ATP8A2: variants seen among roughly 807,000 people sequenced by gnomAD.
The protein encoded by ATP8A2 is ATPase phospholipid transporting 8A2, also known as phospholipid-transporting ATPase IB.
ATP8A2 carries 100 observed loss-of-function variants against 165.6 expected under a neutral mutation model. The observed-to-expected ratio is 0.60, with a 90% confidence interval of 0.51 to 0.71. The LOEUF (loss-of-function observed/expected upper bound fraction) is 0.71, where lower values mean the gene tolerates loss of function less well. ATP8A2 is among the 30% of genes least tolerant of loss of function. The pLI is 0.00. For missense variants in ATP8A2, 1,227 were observed against 1,479.5 expected, an observed-to-expected ratio of 0.83 and a Z score of 2.80; for synonymous variants, 543 against 548.8, an observed-to-expected ratio of 0.99 and a Z score of 0.15.
chr13:25,804,998 C>G (rs1217851613), intron 27 of ATP8A2, among the ~76,000 whole-genome samples: 1 of 152,188 alleles, frequency 6.6e-6, no homozygotes, highest in Non-Finnish European at 1.5e-5. Flanking sequence ...ATCCAACTCA[C>G]TGACATTAAA....
At chr13:25,532,133 C>T in intron 4 of ATP8A2, 139 bp from the exon 5 acceptor site, 2 of 694,714 alleles carry the variant, frequency 2.9e-6, no homozygotes, top group Non-Finnish European at 5.0e-6. Context: ...ACAAAATTGT[C>T]TAACTGAATT....
chr13:25,409,529 G>A (rs761401403), intron 1 of ATP8A2, among the ~76,000 whole-genome samples: 11 of 152,164 alleles, frequency 7.2e-5, no homozygotes, highest in Non-Finnish European at 1.5e-4. Flanking sequence ...ATTCTTGTAT[G>A]GATTCATCAT....
chr13:25,900,921 A>G (rs1566252289), intron 33 of ATP8A2, among the ~76,000 whole-genome samples: 1 of 152,260 alleles, frequency 6.6e-6, no homozygotes, highest in Non-Finnish European at 1.5e-5. Context: ...ACATGGAAGC[A>G]GCAGGAACAC....
intron 25 of ATP8A2, among the ~76,000 whole-genome samples, chr13:25,739,848 G>T (rs9511907): frequency 6.6e-6 from 1 of 151,970 alleles, no homozygotes; most frequent in African/African-American, 2.4e-5. Flanking sequence ...AGCTTGGAAA[G>T]TGCACACTAA....
intron 8 of ATP8A2, 103 bp downstream of exon 8, chr13:25,540,491 G>T (rs1418323970): frequency 1.5e-5 from 13 of 850,446 alleles, no homozygotes; most frequent in Admixed American, 7.8e-5. Context: ...GCCACAAAGG[G>T]TTATGCCTTA....
At chr13:25,727,991 C>T (rs997202474) in intron 25 of ATP8A2, among the ~76,000 whole-genome samples, 2 of 152,134 alleles carry the variant, frequency 1.3e-5, no homozygotes, top group African/African-American at 4.8e-5. Context: ...GTGCAAATGC[C>T]CCCACGCTTC....
At chr13:25,817,409 GT>G (rs1346345407) in intron 27 of ATP8A2, among the ~76,000 whole-genome samples, 4 of 151,040 alleles carry the variant, frequency 2.6e-5, no homozygotes, top group Non-Finnish European at 5.9e-5. Context: ...TAAGCATGTA[GT>G]TTTGCAGAAA....
intron 2 of ATP8A2, among the ~76,000 whole-genome samples, chr13:25,501,952 T>C (rs545803569): frequency 1.3e-5 from 2 of 152,166 alleles, no homozygotes; most frequent in South Asian, 2.1e-4. Flanking sequence ...GGAGCAACCA[T>C]TGGAAAGACA....
intron 33 of ATP8A2, among the ~76,000 whole-genome samples, chr13:25,913,512 C>A (rs1203849836): frequency 6.6e-6 from 1 of 152,046 alleles, no homozygotes; most frequent in Non-Finnish European, 1.5e-5. Flanking sequence ...ATTGTTAGTT[C>A]TCAAGTTTAT....
chr13:25,753,116 G>A (rs772146533), intron 25 of ATP8A2, among the ~76,000 whole-genome samples: 1 of 152,162 alleles, frequency 6.6e-6, no homozygotes, highest in Non-Finnish European at 1.5e-5. Flanking sequence ...GGACAGACAG[G>A]GCAGAGTGGA....
intron 35 of ATP8A2, among the ~76,000 whole-genome samples, chr13:25,981,623 A>T (rs938957783): frequency 1.2e-4 from 18 of 152,200 alleles, no homozygotes; most frequent in African/African-American, 4.3e-4. Flanking sequence ...TATATGAAAC[A>T]ATTCGTATGT....
chr13:25,921,427 C>T (rs573212146), intron 33 of ATP8A2, among the ~76,000 whole-genome samples: 2 of 151,208 alleles, frequency 1.3e-5, no homozygotes, highest in African/African-American at 2.4e-5. Context: ...ACCAGCCTGG[C>T]CAGGTTGGTG....
intron 24 of ATP8A2, among the ~76,000 whole-genome samples, chr13:25,626,421 C>T (rs1244932201): frequency 2.0e-5 from 3 of 152,092 alleles, no homozygotes; most frequent in African/African-American, 7.2e-5. Context: ...TTTAAAGTCA[C>T]CAGTACCATT....
chr13:25,671,352 T>C (rs982299763), intron 24 of ATP8A2, among the ~76,000 whole-genome samples: 1 of 152,128 alleles, frequency 6.6e-6, no homozygotes, highest in African/African-American at 2.4e-5. Flanking sequence ...TCTGGGCACC[T>C]TGAAAAAAGA....
At chr13:25,929,413 C>G (rs1954701875) in intron 33 of ATP8A2, among the ~76,000 whole-genome samples, 3 of 152,184 alleles carry the variant, frequency 2.0e-5, no homozygotes, top group African/African-American at 7.2e-5. Context: ...CCTGAGAGCA[C>G]CAAGAAGGCA....
chr13:25,877,118 A>G (rs905622059), intron 33 of ATP8A2, among the ~76,000 whole-genome samples: 29 of 152,194 alleles, frequency 1.9e-4, no homozygotes, highest in African/African-American at 7.0e-4. Flanking sequence ...ATATTCTCAT[A>G]CATGATATGA....
chr13:25,782,823 C>G (rs217877), intron 27 of ATP8A2, among the ~76,000 whole-genome samples: 1 of 152,152 alleles, frequency 6.6e-6, no homozygotes, highest in Non-Finnish European at 1.5e-5. Context: ...CACTGCAAGC[C>G]CCGCCTCCTG....
intron 33 of ATP8A2, among the ~76,000 whole-genome samples, chr13:25,881,157 T>A (rs1316235338): frequency 6.6e-6 from 1 of 152,218 alleles, no homozygotes; most frequent in Non-Finnish European, 1.5e-5. Flanking sequence ...CTCCCTGCCC[T>A]CCTTTTAATC....
chr13:25,452,095 C>T (rs648136), intron 1 of ATP8A2, among the ~76,000 whole-genome samples: 64,185 of 151,858 alleles, frequency 0.42, 13,726 homozygotes, highest in Admixed American at 0.45. Context: ...CCTTGTGATC[C>T]GCCCACCTCA....
Sources: allele counts gnomAD v4.1 joint callset (sites outside exome capture counted in the v4.1 genomes callset), GRCh38; gene constraint gnomAD v4.1.1; transcripts MANE v1.5; gene names NCBI Gene and HGNC (gene_info 2026-07-23, HGNC 2026-07-21).